MORF4L1: variants seen among roughly 807,000 people sequenced by gnomAD.
MORF4L1 encodes the protein mortality factor 4-like protein 1.
In MORF4L1, 4 loss-of-function variants were observed where a neutral mutation model predicts 52.9. The ratio of observed to expected loss-of-function variants is 0.08; its 90% CI spans 0.04 to 0.17. MORF4L1 has a LOEUF of 0.17. Ranked by LOEUF, MORF4L1 falls within the 10% of genes least tolerant of loss-of-function variation. The probability of loss-of-function intolerance (pLI) is 1.00; values close to 1 mark genes in which losing one functional copy is unlikely to be tolerated. For synonymous variants in MORF4L1, 123 were observed against 134.8 expected, an observed-to-expected ratio of 0.91 and a Z score of 0.61; for missense variants, 214 against 390.4, an observed-to-expected ratio of 0.55 and a Z score of 3.81.
At chr15:78,878,320 A>C in intron 2 of MORF4L1, 61 bp downstream of exon 2, 1 of 1,482,666 alleles carries the variant, frequency 6.7e-7, no homozygotes, top group Non-Finnish European at 9.3e-7. Context: ...CTGGCCATTT[A>C]ATATACAAGT....
At chr15:78,891,321 A>T (rs972421848) in intron 6 of MORF4L1, 163 bp from the exon 7 acceptor site, 14 of 665,542 alleles carry the variant, frequency 2.1e-5, no homozygotes, top group Admixed American at 5.9e-5. Flanking sequence ...AGAGCTCTTC[A>T]TGAAAGTTGT....
chr15:78,880,722 T>G (rs2056585989), intron 3 of MORF4L1, 143 bp downstream of exon 3: 1 of 596,562 alleles, frequency 1.7e-6, no homozygotes, highest in Non-Finnish European at 2.9e-6. Context: ...ATTTGTAGTA[T>G]GACAAAACTA....
chr15:78,885,694 TATCCTC>T (rs1336271809), intron 3 of MORF4L1, among the ~76,000 whole-genome samples: 10 of 152,340 alleles, frequency 6.6e-5, no homozygotes, highest in Admixed American at 2.0e-4. Flanking sequence ...GTACTGTTGT[TATCCTC>T]ATTTCATAGA....
intron 1 of MORF4L1, chr15:78,873,305 C>A: frequency 8.0e-7 from 1 of 1,249,972 alleles, no homozygotes; most frequent in Non-Finnish European, 1.1e-6. Context: ...GCGTGGCACA[C>A]CCTCGTCAAG....
intron 1 of MORF4L1, 48 bp from the exon 2 acceptor site, chr15:78,878,165 T>C: frequency 6.4e-7 from 1 of 1,565,430 alleles, no homozygotes; most frequent in East Asian, 2.2e-5. Context: ...GTTAATCTTT[T>C]TATATATGAG....
intron 3 of MORF4L1, 152 bp downstream of exon 3, chr15:78,880,731 T>A: frequency 1.7e-6 from 1 of 584,260 alleles, no homozygotes; most frequent in Non-Finnish European, 3.0e-6. Flanking sequence ...ATGACAAAAC[T>A]ATTAGAAATT....
At chr15:78,881,626 C>G (rs1490732485) in intron 3 of MORF4L1, among the ~76,000 whole-genome samples, 1 of 152,166 alleles carries the variant, frequency 6.6e-6, no homozygotes, top group African/African-American at 2.4e-5. Context: ...TGGGACTTTT[C>G]TCCTTGGGCC....
chr15:78,886,373 T>C, intron 4 of MORF4L1, 146 bp downstream of exon 4: 1 of 693,258 alleles, frequency 1.4e-6, no homozygotes, highest in Non-Finnish European at 2.6e-6. Context: ...AGCTTTGACT[T>C]CAAGCGATCA....
rs199651637 is a variant in MORF4L1 at position 78,880,495 on chromosome 15, T to A, written c.88-17T>A. On this transcript the variant is annotated splice_polypyrimidine_tract_variant and intron_variant, in intron 2 of 11. Transcript: ENST00000426013. ...AAAAATTTCTAAGTGAATTATTATT[T>A]TTTTTTTGAATTTCAGTGTGTAAAG... 624 of 1,569,060 alleles carry A rather than the reference T, an allele frequency of 4.0e-4. 11 individuals are homozygous for A. In the South Asian group the frequency reaches 6.3e-3, roughly 16 times the overall value.
At chr15:78,879,670 G>T (rs151111646) in intron 2 of MORF4L1, among the ~76,000 whole-genome samples, 13 of 151,752 alleles carry the variant, frequency 8.6e-5, no homozygotes, top group Non-Finnish European at 1.5e-4. Flanking sequence ...GGGCTGTGAC[G>T]TACAAGCCTG....
chr15:78,893,769 G>T (rs959125746), intron 9 of MORF4L1, 142 bp downstream of exon 9: 10 of 657,154 alleles, frequency 1.5e-5, no homozygotes, highest in Admixed American at 3.3e-5. Flanking sequence ...TGACACAGGA[G>T]TTGGCTGGCT....
At chr15:78,876,726 C>A (rs1286701169) in intron 1 of MORF4L1, 5 of 341,682 alleles carry the variant, frequency 1.5e-5, no homozygotes, top group South Asian at 1.1e-4. Flanking sequence ...TTGGAGAAGT[C>A]TTTGATCTTC....
intron 3 of MORF4L1, among the ~76,000 whole-genome samples, chr15:78,885,592 C>G (rs992314086): frequency 5.3e-5 from 8 of 152,142 alleles, no homozygotes; most frequent in African/African-American, 1.9e-4. Flanking sequence ...TTGTAGACTT[C>G]CTAATATGTT....
At chr15:78,891,689 T>G in intron 7 of MORF4L1, 117 bp downstream of exon 7, 1 of 782,662 alleles carries the variant, frequency 1.3e-6, no homozygotes, top group Non-Finnish European at 2.0e-6. Context: ...ATACCTGAAA[T>G]TAAAAATTTT....
intron 3 of MORF4L1, 100 bp from the exon 4 acceptor site, chr15:78,886,041 C>A: frequency 1.2e-6 from 1 of 825,376 alleles, no homozygotes; most frequent in Non-Finnish European, 2.1e-6. Flanking sequence ...GCCAGTTCAT[C>A]AAATTACTTA....
chr15:78,882,718 C>G (rs989190382), intron 3 of MORF4L1, among the ~76,000 whole-genome samples: 1 of 150,072 alleles, frequency 6.7e-6, no homozygotes, highest in Admixed American at 6.7e-5. Context: ...TATAGGATAT[C>G]AAAAAAAAAC....
Position 78,896,569 on chromosome 15 carries a change from A to G in MORF4L1, c.888-414A>G, listed in dbSNP as rs373606960. 9.5e-4 allele frequency among the ~76,000 whole-genome samples: 145 copies of G among 152,018 alleles called. 1 individual carries two copies. Among genetic ancestry groups the G allele is most frequent in the African/African-American group, 3.4e-3 (140 of 41,494 alleles). ...GTGATCAGCTTGCCTTGGCCTCCCA[A>G]AGTGCTGGGATTACAGGCATGAGCC... On this transcript the variant is annotated intron_variant, in intron 11 of 11. Coordinates refer to ENST00000426013, the MANE Select transcript of MORF4L1 (RefSeq NM_006791.4).
intron 1 of MORF4L1, 123 bp downstream of exon 1, chr15:78,873,180 G>T: frequency 6.6e-7 from 1 of 1,524,396 alleles, no homozygotes; most frequent in Non-Finnish European, 8.8e-7. Context: ...GGCGGTCAGT[G>T]CTTTGTGCGG....
At chr15:78,875,515 TC>T (rs1393835379) in intron 1 of MORF4L1, among the ~76,000 whole-genome samples, 1 of 152,122 alleles carries the variant, frequency 6.6e-6, no homozygotes. Context: ...ACGCCTCTAA[TC>T]CCAGCACTTT....
Sources: gnomAD v4.1 joint callset for allele counts (sites outside exome capture counted in the v4.1 genomes callset) on GRCh38, gnomAD v4.1.1 for gene constraint, MANE v1.5 for transcripts, NCBI Gene and HGNC (gene_info 2026-07-23, HGNC 2026-07-21) for gene names.